MFSD11: variants seen among roughly 807,000 people sequenced by gnomAD.
MFSD11 encodes the protein major facilitator superfamily domain containing 11.
MFSD11 carries 36 observed loss-of-function variants against 53.5 expected under a neutral mutation model. That is an observed-to-expected ratio of 0.67 (90% CI 0.52 to 0.89). MFSD11 has a LOEUF of 0.89. Ranked by LOEUF, MFSD11 falls within the 40% of genes least tolerant of loss-of-function variation. The pLI is 0.00. For missense variants in MFSD11, 530 were observed against 543.9 expected, an observed-to-expected ratio of 0.97 and a Z score of 0.25; for synonymous variants, 186 against 184.9, an observed-to-expected ratio of 1.01 and a Z score of -0.05.
rs571029479 is a variant in MFSD11 at position 76,754,821 on chromosome 17, G to GT, written c.682+740dup. Among the ~76,000 whole-genome samples the GT allele has an allele frequency of 8.2e-4, 125 of 152,136 alleles. 1 individual carries two copies. Among genetic ancestry groups the GT allele is most frequent in the Non-Finnish European group, 1.5e-3 (101 of 68,010 alleles). On this transcript the variant is annotated intron_variant, in intron 8 of 12. Transcript: ENST00000685175. The stretch of plus-strand genomic sequence containing the variant: ...GGCCAAAGACTCTGCTGAATTCTTT[G>GT]TTTTTTACTCTATGTAATTCTCACA...
chr17:76,736,716 G>A, upstream of MFSD11: 3 of 1,347,472 alleles, frequency 2.2e-6, no homozygotes, highest in Middle Eastern at 2.8e-4. Flanking sequence ...CGCACCACGT[G>A]CTTCGCCGCG....
At chr17:76,744,208 A>C in intron 6 of MFSD11, 114 bp from the exon 7 acceptor site, 1 of 1,006,690 alleles carries the variant, frequency 9.9e-7, no homozygotes. Context: ...TGATGCATTA[A>C]AGTAAAAATG....
Position 76,742,162 on chromosome 17 carries a change from TG to T in MFSD11, c.341-12del. The T allele has an allele frequency of 6.2e-7, 1 of 1,614,136 alleles. No homozygotes were observed. The highest frequency in any genetic ancestry group is 8.5e-7 in the Non-Finnish European group (1 of 1,179,980). On this transcript the variant is annotated splice_polypyrimidine_tract_variant and intron_variant, in intron 4 of 12. Coordinates refer to ENST00000685175, the MANE Select transcript of MFSD11 (RefSeq NM_001242532.5). ...GAATTTCTTTCCCTTGATAAACTTTTGGGTTGAATTTTAGTGCTTTGGACAG... is the reference window on the plus strand; with the variant it reads ...GAATTTCTTTCCCTTGATAAACTTTTGGTTGAATTTTAGTGCTTTGGACAG...
At chr17:76,743,374 C>T in intron 5 of MFSD11, 24 bp from the exon 6 acceptor site, 5 of 1,487,208 alleles carry the variant, frequency 3.4e-6, no homozygotes, top group Non-Finnish European at 4.6e-6. Flanking sequence ...ACCCAACATC[C>T]TATCCTCCCT....
chr17:76,773,060 T>TAA (rs2081509504), intron 10 of MFSD11: 1 of 152,370 alleles, frequency 6.6e-6, no homozygotes, highest in Non-Finnish European at 1.5e-5. Context: ...ACTAATCCTC[T>TAA]TGGCTGGTTC....
chr17:76,772,565 T>TG (rs1276592023), intron 10 of MFSD11, among the ~76,000 whole-genome samples: 1 of 149,912 alleles, frequency 6.7e-6, no homozygotes, highest in Non-Finnish European at 1.5e-5. Flanking sequence ...TTGCCCAGGC[T>TG]GGGGTGCAGT....
the MFSD11 span, among the ~76,000 whole-genome samples, chr17:76,790,066 ATTTCT>A: frequency 7.0e-6 from 1 of 141,984 alleles, no homozygotes; most frequent in Non-Finnish European, 1.5e-5. Context: ...TACAACTCAC[ATTTCT>A]TTTCTTTTTT....
chr17:76,786,819 GT>G, the MFSD11 span, among the ~76,000 whole-genome samples: 1 of 151,928 alleles, frequency 6.6e-6, no homozygotes, highest in African/African-American at 2.4e-5. Context: ...AATGTTTCTT[GT>G]TTTTTTGTTT....
At chr17:76,765,840 A>G (rs56168428) in intron 8 of MFSD11, among the ~76,000 whole-genome samples, 15,922 of 151,652 alleles carry the variant, frequency 0.1, 2,752 homozygotes, top group African/African-American at 0.36. Flanking sequence ...TATGCTCATA[A>G]CAAAACTGGG....
intron 10 of MFSD11, 108 bp from the exon 11 acceptor site, chr17:76,774,889 A>C (rs1296209947): frequency 8.5e-7 from 1 of 1,171,568 alleles, no homozygotes; most frequent in Non-Finnish European, 1.2e-6. Flanking sequence ...TTTTTGAAGA[A>C]ATTTAACAAG....
chr17:76,791,870 C>T, the MFSD11 span, among the ~76,000 whole-genome samples: 14 of 134,636 alleles, frequency 1.0e-4, no homozygotes, highest in African/African-American at 3.1e-4. Context: ...TCTTTGTGTT[C>T]CCCCCCGCCC....
Position 76,776,682 on chromosome 17 carries a change from T to TC in MFSD11, c.1185+142dup. The TC allele has an allele frequency of 1.2e-6, 1 of 849,568 alleles. No homozygotes were observed. Among genetic ancestry groups the TC allele is most frequent in the Non-Finnish European group, 1.7e-6 (1 of 604,740 alleles). 52.6% of individuals were successfully genotyped at this position (849,568 alleles called of 1,614,324 possible). The stretch of plus-strand genomic sequence containing the variant: ...TTTTGATAGAGTCTCTCTCTGTCAC[T>TC]CAGGCTGGAGTGCAGTAGCGCAATC... On this transcript the variant is annotated intron_variant, in intron 12 of 12. Transcript: ENST00000685175. The surrounding 1 kb of genome is among the most constrained non-coding windows in gnomAD (Gnocchi z 4.2).
At position 76,776,549 on chromosome 17, in the gene MFSD11, C is replaced by G; in HGVS notation, c.1185+8C>G. The G allele has an allele frequency of 6.2e-7, 1 of 1,613,130 alleles. No individual in the cohort carries two copies. Among genetic ancestry groups the G allele is most frequent in the East Asian group, 2.2e-5 (1 of 44,862 alleles). ...ATCTTCAAGTTTGTTCAGGTAACCT[C>G]TTCAGATTGTGATTGTGTTTGACAT... On this transcript the variant is annotated splice_region_variant and intron_variant, in intron 12 of 12. Transcript: ENST00000685175. This position sits in a 1 kb window ranked among gnomAD's most constrained non-coding sequence, Gnocchi z 4.2.
At chr17:76,798,014 G>A in the MFSD11 span, among the ~76,000 whole-genome samples, 2 of 151,840 alleles carry the variant, frequency 1.3e-5, no homozygotes, top group African/African-American at 4.8e-5. Context: ...CTCCCGAGTA[G>A]CTGGAACCAC....
intron 8 of MFSD11, among the ~76,000 whole-genome samples, chr17:76,754,873 C>G (rs2079416193): frequency 6.6e-6 from 1 of 151,964 alleles, no homozygotes; most frequent in African/African-American, 2.4e-5. Context: ...ATAATACACA[C>G]CTATCATTGT....
chr17:76,739,485 C>T lies in MFSD11; in HGVS notation c.152+492C>T, dbSNP rs1390790674. Among the ~76,000 whole-genome samples, 2 of 152,148 alleles carry T rather than the reference C, an allele frequency of 1.3e-5. 1 individual carries two copies. The highest frequency in any genetic ancestry group is 2.9e-5 in the Non-Finnish European group (2 of 68,014). Reference sequence around the variant, plus strand: ...TTTACAGATGGGTAAAATGAAAAGACCTTCACAAGTCACTAGAACCTTGTG... The same window carrying T: ...TTTACAGATGGGTAAAATGAAAAGATCTTCACAAGTCACTAGAACCTTGTG... On this transcript the variant is annotated intron_variant, in intron 2 of 12. Transcript: ENST00000685175.
the MFSD11 span, among the ~76,000 whole-genome samples, chr17:76,787,955 G>A: frequency 6.7e-6 from 1 of 149,664 alleles, no homozygotes; most frequent in African/African-American, 2.5e-5. Context: ...TAGGAGACCT[G>A]AGGGAAATAC....
At chr17:76,739,058 C>A in intron 2 of MFSD11, 65 bp downstream of exon 2, 1 of 1,215,188 alleles carries the variant, frequency 8.2e-7, no homozygotes, top group Non-Finnish European at 1.2e-6. Flanking sequence ...TCATCAGAAT[C>A]ACCAGCAATA....
In MFSD11 at chr17:76,752,676, G is replaced by A. The variant is rs149473003; in HGVS notation, c.642-1371G>A. ...CTCCCAAAGTGCTGGGGTTCCAGGC[G>A]TGAGCCACCACACCCTGCCCAAGTC... is the stretch of plus-strand genomic sequence containing the variant. On this transcript the variant is annotated intron_variant, in intron 7 of 12. Coordinates refer to ENST00000685175, the MANE Select transcript of MFSD11 (RefSeq NM_001242532.5). Among the ~76,000 whole-genome samples, 8 of 152,234 alleles carry A rather than the reference G, an allele frequency of 5.3e-5. No homozygotes were observed. In the East Asian group the frequency reaches 1.4e-3, roughly 26 times the overall value.
Sources: gnomAD v4.1 joint callset for allele counts (sites outside exome capture counted in the v4.1 genomes callset) on GRCh38, gnomAD v4.1.1 for gene constraint, Gnocchi (gnomAD v3.1) non-coding constraint, MANE v1.5 for transcripts, NCBI Gene and HGNC (gene_info 2026-07-23, HGNC 2026-07-21) for gene names.